Variants in AGBL2 observed in about 807,000 individuals in gnomAD.
AGBL2 encodes cytosolic carboxypeptidase 2.
A neutral mutation model predicts 103.0 loss-of-function variants in AGBL2; 87 were observed. That is an observed-to-expected ratio of 0.84 (90% CI 0.71 to 1.01). The LOEUF (loss-of-function observed/expected upper bound fraction) is 1.01, where lower values mean the gene tolerates loss of function less well. AGBL2 is among the 50% of genes least tolerant of loss of function. AGBL2 has a pLI of 0.00. For missense variants in AGBL2, 904 were observed against 1,023.5 expected (o/e 0.88, Z 1.59); for synonymous variants, 335 against 356.7 (o/e 0.94, Z 0.69).
At chr11:47,704,259 A>T (rs559633590) in intron 7 of AGBL2, among the ~76,000 whole-genome samples, 1 of 152,152 alleles carries the variant, frequency 6.6e-6, no homozygotes, top group African/African-American at 2.4e-5. Context: ...AGGTGGGCGG[A>T]TCACGAGGTC....
intron 13 of AGBL2, among the ~76,000 whole-genome samples, chr11:47,678,343 A>ATTTTATTATTTTTTTTTTTTTTTTTTT (rs2097385823): frequency 5.1e-5 from 6 of 116,860 alleles, no homozygotes; most frequent in East Asian, 2.9e-4. Flanking sequence ...TTATTATTTT[A>ATTTTATTATTTTTTTTTTTTTTTTTTT]TTTTTTTTGA....
chr11:47,697,460 G>A (rs939915464), intron 8 of AGBL2, among the ~76,000 whole-genome samples: 1 of 150,712 alleles, frequency 6.6e-6, no homozygotes, highest in Admixed American at 6.6e-5. Context: ...CGATGGTCTC[G>A]ATCTCCTGAC....
chr11:47,694,812 T>A (rs920256325), intron 8 of AGBL2, among the ~76,000 whole-genome samples: 3 of 152,160 alleles, frequency 2.0e-5, no homozygotes, highest in Non-Finnish European at 4.4e-5. Flanking sequence ...CCTCATGACC[T>A]CTGCTAGGCA....
chr11:47,710,794 T>C (rs1036531808), intron 3 of AGBL2: 18 of 507,260 alleles, frequency 3.5e-5, no homozygotes, highest in African/African-American at 3.3e-4. Context: ...ATTCTGAAGC[T>C]ACAAGGGCTG....
chr11:47,694,810 C>T (rs1314071535), intron 8 of AGBL2, among the ~76,000 whole-genome samples: 1 of 152,188 alleles, frequency 6.6e-6, no homozygotes, highest in Non-Finnish European at 1.5e-5. Flanking sequence ...ATCCTCATGA[C>T]CTCTGCTAGG....
intron 17 of AGBL2, among the ~76,000 whole-genome samples, chr11:47,665,668 G>A (rs2097339503): frequency 6.6e-6 from 1 of 152,032 alleles, no homozygotes; most frequent in Non-Finnish European, 1.5e-5. Flanking sequence ...TGTGCAGGCT[G>A]GTCTTGAACT....
At chr11:47,701,909 G>A (rs889200329) in intron 7 of AGBL2, among the ~76,000 whole-genome samples, 2 of 151,470 alleles carry the variant, frequency 1.3e-5, no homozygotes, top group African/African-American at 2.4e-5. Context: ...GGAGGCGGAG[G>A]TTGCAGTGAG....
intron 10 of AGBL2, among the ~76,000 whole-genome samples, chr11:47,687,967 C>T (rs1489298296): frequency 9.2e-5 from 14 of 151,846 alleles, no homozygotes; most frequent in Non-Finnish European, 2.1e-4. Flanking sequence ...ACCACCATGC[C>T]AGGCTAATTT....
chr11:47,695,702 A>G, intron 8 of AGBL2, among the ~76,000 whole-genome samples: 1 of 142,950 alleles, frequency 7.0e-6, no homozygotes, highest in East Asian at 2.1e-4. Flanking sequence ...TTGAGCCTAT[A>G]AGGTGGAGGA....
At chr11:47,697,781 C>T (rs1229184126) in intron 8 of AGBL2, among the ~76,000 whole-genome samples, 2 of 148,082 alleles carry the variant, frequency 1.4e-5, no homozygotes, top group East Asian at 2.0e-4. Flanking sequence ...TTCCTGACCT[C>T]GTCGTCCGCC....
chr11:47,661,015 C>T (rs556096315), intron 18 of AGBL2, among the ~76,000 whole-genome samples: 40 of 152,062 alleles, frequency 2.6e-4, no homozygotes, highest in African/African-American at 9.2e-4. Context: ...AAATTAAATA[C>T]CCACATCTCT....
chr11:47,706,299 G>A (rs550377683), intron 4 of AGBL2, among the ~76,000 whole-genome samples: 8 of 152,096 alleles, frequency 5.3e-5, no homozygotes, highest in African/African-American at 1.9e-4. Context: ...GGCGGATCAC[G>A]AGGTCAGGAG....
chr11:47,663,175 A>AATGTATATTCACTG, intron 17 of AGBL2, 63 bp from the exon 18 acceptor site: 1 of 985,130 alleles, frequency 1.0e-6, no homozygotes, highest in Non-Finnish European at 1.5e-6. Context: ...TACAGTGAAT[A>AATGTATATTCACTG]TACATTATTC....
At chr11:47,701,203 G>A (rs1021802378) in intron 7 of AGBL2, among the ~76,000 whole-genome samples, 1 of 151,352 alleles carries the variant, frequency 6.6e-6, no homozygotes, top group African/African-American at 2.4e-5. Flanking sequence ...GCAGTGAGTG[G>A]CTCACGCCTG....
intron 8 of AGBL2, among the ~76,000 whole-genome samples, chr11:47,697,672 A>T (rs1434610338): frequency 6.7e-6 from 1 of 149,658 alleles, no homozygotes; most frequent in East Asian, 2.0e-4. Context: ...CAGCCTCCCG[A>T]GTAGCTGGGA....
chr11:47,690,771 G>C lies in AGBL2; in HGVS notation c.936C>G (p.Thr312=). 1.9e-6 allele frequency: 3 copies of C among 1,613,978 alleles called. No homozygotes were observed. Among genetic ancestry groups the C allele is most frequent in the Non-Finnish European group, 2.5e-6 (3 of 1,179,998 alleles). Residue 312 remains threonine (T), a synonymous_variant, in exon 10 of 19, where the codon ACC becomes ACG. Coordinates refer to ENST00000525123, the MANE Select transcript of AGBL2 (RefSeq NM_024783.4). ...TGAAGCGATAGGTAGCATCTTTTCT[G>C]GTGTTCTGAACACGAAAATAAAACC... The part of the protein sequence containing the change: ...TQWFYFRVQN[T]RKDATYRFTI...
At chr11:47,666,875 T>C (rs1275096996) in intron 17 of AGBL2, 81 bp downstream of exon 17, 1 of 921,508 alleles carries the variant, frequency 1.1e-6, no homozygotes, top group Admixed American at 2.0e-5. Context: ...GGCTATTACA[T>C]TTGTCACATT....
intron 12 of AGBL2, among the ~76,000 whole-genome samples, chr11:47,680,472 T>A (rs1421481176): frequency 6.8e-6 from 1 of 146,302 alleles, no homozygotes; most frequent in African/African-American, 2.5e-5. Flanking sequence ...AAAATAAAAA[T>A]AAAAAATAAA....
intron 17 of AGBL2, among the ~76,000 whole-genome samples, chr11:47,665,090 T>C (rs955012074): frequency 5.3e-5 from 8 of 150,930 alleles, no homozygotes; most frequent in Non-Finnish European, 1.2e-4. Context: ...AGAGTCTTGC[T>C]CTGTCACCCA....
Sources: allele counts gnomAD v4.1 joint callset (sites outside exome capture counted in the v4.1 genomes callset), GRCh38; gene constraint gnomAD v4.1.1; transcripts MANE v1.5; gene names NCBI Gene and HGNC (gene_info 2026-07-23, HGNC 2026-07-21).